The following PCNX1 variants were observed in gnomAD, a reference collection of about 807,000 sequenced individuals.
The protein encoded by PCNX1 is pecanex-like protein 1.
A neutral mutation model predicts 242.2 loss-of-function variants in PCNX1; 78 were observed. The observed-to-expected ratio is 0.32, with a 90% CI of 0.27 to 0.39. PCNX1 has a LOEUF of 0.39. Ranked by LOEUF, PCNX1 falls within the 10% of genes least tolerant of loss-of-function variation. The pLI is 1.00. For missense variants in PCNX1, 2,581 were observed against 2,856.5 expected, an observed-to-expected ratio of 0.90 and a Z score of 2.20; for synonymous variants, 1,024 against 1,032.9, an observed-to-expected ratio of 0.99 and a Z score of 0.17.
chr14:70,993,266 G>GC (rs1268134239), intron 7 of PCNX1, among the ~76,000 whole-genome samples: 1 of 150,910 alleles, frequency 6.6e-6, no homozygotes. Context: ...GATTACAGGC[G>GC]CCCGCCACCA....
At chr14:71,013,465 A>G (rs1359607814) in intron 11 of PCNX1, among the ~76,000 whole-genome samples, 1 of 152,086 alleles carries the variant, frequency 6.6e-6, no homozygotes, top group Admixed American at 6.6e-5. Context: ...CTGCTAGTCA[A>G]AAGCCAAAGA....
At chr14:71,008,655 C>CAAAAAAAAA (rs777494885) in intron 8 of PCNX1, among the ~76,000 whole-genome samples, 1 of 32,752 alleles carries the variant, frequency 3.1e-5, no homozygotes, top group African/African-American at 7.9e-5. Flanking sequence ...GACTCTGTCT[C>CAAAAAAAAA]AAAAAAAAAA....
At position 70,946,938 on chromosome 14, in the gene PCNX1, A is replaced by G. The variant is rs555126596; in HGVS notation, c.177A>G (p.Ile59Met). 153 of 1,610,490 alleles carry G rather than the reference A, an allele frequency of 9.5e-5. 3 individuals carry two copies. The East Asian group carries it at 3.3e-3, about 35-fold the overall frequency. ...LYMALPSTMI[I>M]VAVYCPVIAA... ...AGGCCCTTCCTTCTACCATGATTAT[A>G]GTAGCAGTTTATTGTCCTGTGATAG... Residue 59 changes from isoleucine to methionine, a missense_variant, in exon 2 of 36, where the codon ATA becomes ATG. By Grantham distance (10) the Ile-to-Met change is conservative. Coordinates refer to ENST00000304743, the MANE Select transcript of PCNX1 (RefSeq NM_014982.3).
intron 6 of PCNX1, among the ~76,000 whole-genome samples, chr14:70,980,611 G>A (rs971774480): frequency 6.6e-6 from 1 of 151,996 alleles, no homozygotes; most frequent in African/African-American, 2.4e-5. Context: ...TAAATATAGG[G>A]GTTTTGTTGG....
chr14:71,025,420 A>C (rs541114197), intron 13 of PCNX1, among the ~76,000 whole-genome samples: 2 of 151,836 alleles, frequency 1.3e-5, no homozygotes, highest in African/African-American at 4.8e-5. Flanking sequence ...TCTTTTCTCT[A>C]TGGAGCCCCC....
chr14:71,027,161 G>A, intron 15 of PCNX1: 1 of 282,880 alleles, frequency 3.5e-6, no homozygotes, highest in Non-Finnish European at 6.7e-6. Flanking sequence ...AATTTACATG[G>A]AGCCTACATA....
chr14:70,957,030 C>G (rs1001605477), intron 2 of PCNX1, among the ~76,000 whole-genome samples: 26 of 151,736 alleles, frequency 1.7e-4, no homozygotes, highest in African/African-American at 5.6e-4. Flanking sequence ...GGGTCTTGCT[C>G]TGTTGCCCAG....
intron 16 of PCNX1, chr14:71,031,552 C>T: frequency 2.2e-6 from 1 of 446,552 alleles, no homozygotes; most frequent in Non-Finnish European, 4.2e-6. Context: ...AATGCCCCAA[C>T]TTCAACAACC....
At chr14:71,022,841 T>C (rs879494883) in intron 12 of PCNX1, among the ~76,000 whole-genome samples, 3 of 152,154 alleles carry the variant, frequency 2.0e-5, no homozygotes, top group Admixed American at 2.0e-4. Flanking sequence ...TGATGTCCTG[T>C]GAGAAATACT....
Position 71,073,585 on chromosome 14 carries a change from A to G in PCNX1, c.4893A>G (p.Glu1631=), listed in dbSNP as rs1168236742. The change falls in exon 27 of 36, where the codon GAA becomes GAG. Residue 1631 remains glutamate (E), a synonymous_variant. Transcript: ENST00000304743. ...CQQREVEAIT[E]GVEEDEGFCC... The stretch of plus-strand genomic sequence containing the variant: ...AACGGGAAGTGGAGGCCATTACTGA[A>G]GGTGTAGAGGAAGATGAAGGATTTT... 1.9e-6 allele frequency: 3 copies of G among 1,613,706 alleles called. No individual in the cohort carries two copies. The highest frequency in any genetic ancestry group is 2.5e-6 in the Non-Finnish European group (3 of 1,179,714).
intron 26 of PCNX1, among the ~76,000 whole-genome samples, chr14:71,072,826 T>C (rs890857704): frequency 5.3e-5 from 8 of 152,222 alleles, no homozygotes; most frequent in Non-Finnish European, 2.9e-5. Context: ...CTATATTTAA[T>C]CTGTTTTTGT....
intron 26 of PCNX1, among the ~76,000 whole-genome samples, chr14:71,058,285 A>G (rs988832398): frequency 6.6e-6 from 1 of 152,180 alleles, no homozygotes; most frequent in Non-Finnish European, 1.5e-5. Context: ...CCAAAATAAA[A>G]CGGTGTACCC....
At chr14:70,991,019 T>C (rs1448975309) in intron 7 of PCNX1, among the ~76,000 whole-genome samples, 2 of 152,160 alleles carry the variant, frequency 1.3e-5, no homozygotes, top group Non-Finnish European at 2.9e-5. Flanking sequence ...TCTTTGCCAC[T>C]AATGAGCCTG....
chr14:71,048,659 A>G lies in PCNX1; in HGVS notation c.4338+675A>G, dbSNP rs542205353. On this transcript the variant is annotated intron_variant, in intron 22 of 35. Coordinates refer to ENST00000304743, the MANE Select transcript of PCNX1 (RefSeq NM_014982.3). ...ACTTTGACATACATTATCCCATTTG[A>G]TAGGTAACAGAGAGCTGAAGCAAAT... 1.8e-4 allele frequency among the ~76,000 whole-genome samples: 27 copies of G among 152,336 alleles called. No individual in the cohort carries two copies. The East Asian group carries it at 5.0e-3, about 28-fold the overall frequency.
chr14:71,033,433 C>T lies in PCNX1; in HGVS notation c.3563C>T (p.Ser1188Phe). 1 of 1,555,630 alleles carries T rather than the reference C, an allele frequency of 6.4e-7. No individual in the cohort carries two copies. Among genetic ancestry groups the T allele is most frequent in the Non-Finnish European group, 8.9e-7 (1 of 1,129,048 alleles). ...GTTAAATTCATTTTTCCGCAGGATTCTTGGGATGGCCAGCATATTCCAGTA... is the reference window on the plus strand; with the variant it reads ...GTTAAATTCATTTTTCCGCAGGATTTTTGGGATGGCCAGCATATTCCAGTA... Reference protein sequence around the residue: ...YGLCYGALKDSWDGQHIPVLF... With the variant: ...YGLCYGALKDFWDGQHIPVLF... Residue 1188 changes from serine (S) to phenylalanine (F), a missense_variant, in exon 17 of 36, where the codon TCT becomes TTT. By Grantham distance (155) the Ser-to-Phe change is radical. Around this residue, in one of 9 missense-constraint regions of PCNX1, gnomAD observed 432 missense variants for 443.1 expected, o/e 0.97. Transcript: ENST00000304743.
intron 13 of PCNX1, among the ~76,000 whole-genome samples, chr14:71,025,216 A>G (rs757454284): frequency 4.3e-4 from 65 of 152,216 alleles, no homozygotes; most frequent in Non-Finnish European, 7.2e-4. Context: ...ATTTTATTCA[A>G]TGGACTATAA....
chr14:71,056,533 T>A (rs1360584404), intron 25 of PCNX1, among the ~76,000 whole-genome samples: 2 of 152,232 alleles, frequency 1.3e-5, no homozygotes, highest in South Asian at 4.1e-4. Flanking sequence ...AGACTGGGTT[T>A]AAAATAATTA....
intron 13 of PCNX1, 115 bp downstream of exon 13, chr14:71,023,347 TTA>T: frequency 2.8e-6 from 2 of 719,214 alleles, no homozygotes; most frequent in South Asian, 1.7e-5. Context: ...GAACTAAAAT[TTA>T]TGTTATTATT....
At chr14:70,912,426 A>C (rs895520244) in intron 1 of PCNX1, among the ~76,000 whole-genome samples, 2 of 152,016 alleles carry the variant, frequency 1.3e-5, no homozygotes, top group African/African-American at 4.8e-5. Context: ...AAATAACTTG[A>C]TCAATATTCC....
Sources: gnomAD v4.1 joint callset for allele counts (sites outside exome capture counted in the v4.1 genomes callset) on GRCh38, gnomAD v4.1.1 for gene constraint, gnomAD v4.1.1 regional missense constraint, MANE v1.5 for transcripts, NCBI Gene and HGNC (gene_info 2026-07-23, HGNC 2026-07-21) for gene names.